Variants in NKAIN2 observed in about 807,000 individuals in gnomAD.
NKAIN2 encodes the protein sodium/potassium transporting ATPase interacting 2.
NKAIN2 carries 14 observed loss-of-function variants against 32.6 expected under a neutral mutation model. The ratio of observed to expected loss-of-function variants is 0.43; its 90% CI spans 0.28 to 0.67. The LOEUF is 0.67. NKAIN2 is among the 30% of genes least tolerant of loss of function. The pLI, the probability that NKAIN2 is intolerant of heterozygous loss-of-function variation, is 0.17. For missense variants in NKAIN2, 198 were observed against 258.3 expected (o/e 0.77, Z 1.60); for synonymous variants, 80 against 87.2 (o/e 0.92, Z 0.46).
intron 3 of NKAIN2, among the ~76,000 whole-genome samples, chr6:124,543,230 CA>C (rs1460555080): frequency 6.6e-6 from 1 of 152,128 alleles, no homozygotes; most frequent in Non-Finnish European, 1.5e-5. Flanking sequence ...TCATCTTAAT[CA>C]AAATTTGCAT....
At chr6:124,806,727 C>T (rs1263828655) in intron 5 of NKAIN2, among the ~76,000 whole-genome samples, 2 of 152,030 alleles carry the variant, frequency 1.3e-5, no homozygotes, top group Non-Finnish European at 2.9e-5. Context: ...CATCAGTGTG[C>T]TGTATTCAGG....
intron 1 of NKAIN2, among the ~76,000 whole-genome samples, chr6:123,904,499 C>T (rs1774759740): frequency 6.6e-6 from 1 of 152,142 alleles, no homozygotes; most frequent in Non-Finnish European, 1.5e-5. Flanking sequence ...GGTTGTTTCC[C>T]GGGTTACCCT....
intron 1 of NKAIN2, among the ~76,000 whole-genome samples, chr6:124,078,388 G>A (rs1421655158): frequency 1.3e-5 from 2 of 151,870 alleles, no homozygotes; most frequent in African/African-American, 4.9e-5. Context: ...TTTGTACTAG[G>A]CACTGCTGTT....
chr6:124,362,861 G>C (rs919552728), intron 3 of NKAIN2, among the ~76,000 whole-genome samples: 5 of 151,990 alleles, frequency 3.3e-5, no homozygotes, highest in Non-Finnish European at 7.4e-5. Context: ...TTGAGATAGA[G>C]TCCCACTCTG....
At chr6:124,659,632 C>T (rs557842911) in intron 4 of NKAIN2, among the ~76,000 whole-genome samples, 7 of 152,214 alleles carry the variant, frequency 4.6e-5, no homozygotes, top group African/African-American at 1.7e-4. Flanking sequence ...CCACTGATCA[C>T]TGTCAGTAAG....
chr6:124,461,113 A>C (rs1030915233), intron 3 of NKAIN2, among the ~76,000 whole-genome samples: 7 of 151,906 alleles, frequency 4.6e-5, no homozygotes, highest in African/African-American at 1.7e-4. Context: ...AAGTTTTGAC[A>C]CAAAATGTGT....
At chr6:124,776,292 A>G (rs780793419) in intron 4 of NKAIN2, among the ~76,000 whole-genome samples, 26 of 152,314 alleles carry the variant, frequency 1.7e-4, no homozygotes, top group Middle Eastern at 3.4e-3. Context: ...TGTACCCTAC[A>G]CTGGCTTCTT....
intron 1 of NKAIN2, among the ~76,000 whole-genome samples, chr6:123,831,248 C>G (rs566184804): frequency 1.3e-5 from 2 of 151,912 alleles, no homozygotes; most frequent in East Asian, 3.9e-4. Context: ...TTGGCAATTG[C>G]ATTTCCTAAC....
intron 1 of NKAIN2, among the ~76,000 whole-genome samples, chr6:123,831,998 G>A (rs1481505114): frequency 3.3e-5 from 5 of 152,040 alleles, no homozygotes; most frequent in East Asian, 3.9e-4. Context: ...CCCTGAATCC[G>A]TTTTCATTAG....
chr6:123,836,229 G>C (rs558547547), intron 1 of NKAIN2, among the ~76,000 whole-genome samples: 2 of 151,976 alleles, frequency 1.3e-5, no homozygotes, highest in Non-Finnish European at 2.9e-5. Flanking sequence ...AGGGAATTAA[G>C]GGAATTGAGT....
At chr6:124,795,399 A>G (rs1779954204) in intron 5 of NKAIN2, among the ~76,000 whole-genome samples, 2 of 152,168 alleles carry the variant, frequency 1.3e-5, no homozygotes, top group Non-Finnish European at 2.9e-5. Context: ...CTCAATGAGC[A>G]AAGACTCAAG....
chr6:124,687,236 G>C (rs1490433938), intron 4 of NKAIN2, among the ~76,000 whole-genome samples: 3 of 143,796 alleles, frequency 2.1e-5, no homozygotes, highest in Non-Finnish European at 4.5e-5. Flanking sequence ...TATATATAGA[G>C]AGAATATATA....
At chr6:124,057,976 A>G (rs560288200) in intron 1 of NKAIN2, among the ~76,000 whole-genome samples, 2 of 152,214 alleles carry the variant, frequency 1.3e-5, no homozygotes, top group South Asian at 4.1e-4. Context: ...TCACAAGACA[A>G]CTGCAAAGAA....
intron 1 of NKAIN2, among the ~76,000 whole-genome samples, chr6:124,140,996 G>A (rs1385696302): frequency 2.6e-5 from 4 of 152,088 alleles, no homozygotes; most frequent in African/African-American, 4.8e-5. Context: ...GAATCTTACA[G>A]AGAATAATAC....
chr6:123,872,285 A>G (rs550358823), intron 1 of NKAIN2, among the ~76,000 whole-genome samples: 3 of 152,250 alleles, frequency 2.0e-5, no homozygotes, highest in Non-Finnish European at 4.4e-5. Context: ...ATATGAGTGT[A>G]ATATCAAGGA....
intron 3 of NKAIN2, among the ~76,000 whole-genome samples, chr6:124,371,999 T>A (rs1372102983): frequency 3.3e-5 from 5 of 152,092 alleles, no homozygotes; most frequent in Admixed American, 6.6e-5. Flanking sequence ...ACCCTAGTAT[T>A]TTCTCTTGAC....
At chr6:124,052,411 A>G (rs1458791913) in intron 1 of NKAIN2, among the ~76,000 whole-genome samples, 1 of 151,994 alleles carries the variant, frequency 6.6e-6, no homozygotes, top group African/African-American at 2.4e-5. Flanking sequence ...TTTATTATCC[A>G]TTTATTTTCA....
At chr6:124,533,847 G>A (rs148200267) in intron 3 of NKAIN2, among the ~76,000 whole-genome samples, 123 of 152,206 alleles carry the variant, frequency 8.1e-4, no homozygotes, top group Middle Eastern at 6.8e-3. Flanking sequence ...CTAGTGAAGG[G>A]CCTATTACAA....
intron 3 of NKAIN2, among the ~76,000 whole-genome samples, chr6:124,588,902 T>G (rs1781807109): frequency 6.6e-6 from 1 of 152,214 alleles, no homozygotes; most frequent in South Asian, 2.1e-4. Flanking sequence ...AATGTATTGT[T>G]CACCATTGGA....
Sources: gnomAD v4.1 joint callset for allele counts (sites outside exome capture counted in the v4.1 genomes callset) on GRCh38, gnomAD v4.1.1 for gene constraint, MANE v1.5 for transcripts, NCBI Gene and HGNC (gene_info 2026-07-23, HGNC 2026-07-21) for gene names.